The following OSBPL10 variants were observed in gnomAD, a reference collection of about 807,000 sequenced individuals.
The protein encoded by OSBPL10 is oxysterol-binding protein-related protein 10.
In OSBPL10, 49 loss-of-function variants were observed where a neutral mutation model predicts 81.7. That is an observed-to-expected ratio of 0.60 (90% CI 0.48 to 0.76). OSBPL10 has a LOEUF of 0.76. OSBPL10 is among the 30% of genes least tolerant of loss of function. The probability of loss-of-function intolerance (pLI) is 0.00; values close to 1 mark genes in which losing one functional copy is unlikely to be tolerated. For missense variants in OSBPL10, 923 were observed against 987.8 expected, an observed-to-expected ratio of 0.93 and a Z score of 0.88; for synonymous variants, 419 against 383.6, an observed-to-expected ratio of 1.09 and a Z score of -1.08.
chr3:32,007,453 C>G (rs1699214813), intron 2 of OSBPL10, among the ~76,000 whole-genome samples: 1 of 152,164 alleles, frequency 6.6e-6, no homozygotes, highest in South Asian at 2.1e-4. Context: ...GGTCCAAAAT[C>G]AAGGTGCCAG....
intron 7 of OSBPL10, among the ~76,000 whole-genome samples, chr3:31,696,744 C>T: frequency 6.6e-6 from 1 of 152,394 alleles, no homozygotes; most frequent in African/African-American, 2.4e-5. Context: ...TGTCTCTACT[C>T]ACTCTCTAGA....
At chr3:31,885,739 T>C (rs961189926) in intron 1 of OSBPL10, among the ~76,000 whole-genome samples, 1 of 151,046 alleles carries the variant, frequency 6.6e-6, no homozygotes, top group Admixed American at 6.6e-5. Context: ...TCCCAGCACT[T>C]TGGGAGTCTG....
chr3:32,039,253 G>A (rs1282303327), intron 2 of OSBPL10, among the ~76,000 whole-genome samples: 2 of 152,016 alleles, frequency 1.3e-5, no homozygotes, highest in Non-Finnish European at 2.9e-5. Context: ...TTGAACCTGG[G>A]AGGTGGAGGT....
At chr3:32,026,887 T>C (rs906024845) in intron 2 of OSBPL10, among the ~76,000 whole-genome samples, 7 of 152,120 alleles carry the variant, frequency 4.6e-5, no homozygotes, top group African/African-American at 1.7e-4. Flanking sequence ...TGCACTGGCA[T>C]CCATACAGAT....
chr3:31,860,674 T>TTTG (rs559065007), intron 3 of OSBPL10, among the ~76,000 whole-genome samples: 9 of 152,164 alleles, frequency 5.9e-5, no homozygotes, highest in African/African-American at 1.7e-4. Flanking sequence ...CTTTCTGTTT[T>TTTG]TTGTTGTTGT....
intron 1 of OSBPL10, among the ~76,000 whole-genome samples, chr3:31,890,099 C>G (rs1263307911): frequency 6.6e-6 from 1 of 151,302 alleles, no homozygotes; most frequent in African/African-American, 2.4e-5. Context: ...AAGAAGTTTT[C>G]CAAGTGATTC....
intron 5 of OSBPL10, among the ~76,000 whole-genome samples, chr3:31,743,366 A>G (rs1697417897): frequency 1.3e-5 from 2 of 152,030 alleles, no homozygotes; most frequent in Admixed American, 1.3e-4. Context: ...TTAATTACAT[A>G]CCTCTCCATA....
rs922862166 is a variant in OSBPL10 at position 31,812,177 on chromosome 3, G to A, written c.729+17863C>T. ...CTCCTGAATAGCTGGGATTACAGGCGCCTGCCACCATGCCCAGCTAATTTT... is the reference window on the plus strand; with the variant it reads ...CTCCTGAATAGCTGGGATTACAGGCACCTGCCACCATGCCCAGCTAATTTT... On this transcript the variant is annotated intron_variant, in intron 4 of 11. Transcript: ENST00000396556. Among the ~76,000 whole-genome samples the A allele has an allele frequency of 4.6e-5, 7 of 152,050 alleles. 1 individual carries two copies. The highest frequency in any genetic ancestry group is 1.4e-4 in the African/African-American group (6 of 41,386).
At chr3:31,869,333 T>G (rs2125614619) in intron 3 of OSBPL10, among the ~76,000 whole-genome samples, 1 of 152,346 alleles carries the variant, frequency 6.6e-6, no homozygotes. Flanking sequence ...CAGAATGTCA[T>G]GAATTGAAAG....
chr3:31,917,011 T>C (rs567557567), intron 1 of OSBPL10, among the ~76,000 whole-genome samples: 15 of 151,780 alleles, frequency 9.9e-5, no homozygotes, highest in South Asian at 2.1e-4. Context: ...TCCAAAAGCA[T>C]TTCTTCTAAA....
intron 4 of OSBPL10, among the ~76,000 whole-genome samples, chr3:31,806,654 G>C (rs1264365048): frequency 6.6e-6 from 1 of 152,198 alleles, no homozygotes; most frequent in Non-Finnish European, 1.5e-5. Flanking sequence ...CAGTCAGGCA[G>C]TAACAAGCGC....
At chr3:31,758,996 C>T (rs2125716685) in intron 4 of OSBPL10, among the ~76,000 whole-genome samples, 1 of 152,232 alleles carries the variant, frequency 6.6e-6, no homozygotes, top group South Asian at 2.1e-4. Flanking sequence ...TGAACCTCAT[C>T]ATTGTTTAGT....
intron 1 of OSBPL10, among the ~76,000 whole-genome samples, chr3:31,912,839 C>A (rs894772902): frequency 6.6e-6 from 1 of 152,134 alleles, no homozygotes; most frequent in African/African-American, 2.4e-5. Flanking sequence ...GCAGCAGGAT[C>A]CACTCCCATG....
At chr3:31,829,803 T>G (rs538698418) in intron 4 of OSBPL10, among the ~76,000 whole-genome samples, 1 of 152,234 alleles carries the variant, frequency 6.6e-6, no homozygotes, top group Non-Finnish European at 1.5e-5. Flanking sequence ...GTAGGCTTGC[T>G]TTCTCTGCTT....
chr3:31,672,191 C>T (rs776918871), intron 8 of OSBPL10, among the ~76,000 whole-genome samples: 6 of 151,988 alleles, frequency 3.9e-5, no homozygotes, highest in Non-Finnish European at 8.8e-5. Flanking sequence ...CCTGGGAGCT[C>T]CACATGAACT....
intron 5 of OSBPL10, among the ~76,000 whole-genome samples, chr3:31,733,966 C>T (rs1186236082): frequency 2.6e-5 from 4 of 151,516 alleles, no homozygotes; most frequent in Admixed American, 6.6e-5. Context: ...GCTGAGATTG[C>T]GCCACTGCAC....
At chr3:31,792,737 CAG>C (rs987582109) in intron 4 of OSBPL10, among the ~76,000 whole-genome samples, 7 of 110,120 alleles carry the variant, frequency 6.4e-5, no homozygotes, top group Non-Finnish European at 8.9e-5. Context: ...TATCCAGACA[CAG>C]AGTGTGTGTG....
At chr3:32,033,986 A>G (rs1462104326) in intron 2 of OSBPL10, among the ~76,000 whole-genome samples, 1 of 152,164 alleles carries the variant, frequency 6.6e-6, no homozygotes, top group Non-Finnish European at 1.5e-5. Flanking sequence ...ATTGCTAGGG[A>G]CACCTTAGGA....
At chr3:31,847,907 G>A (rs928718758) in intron 3 of OSBPL10, among the ~76,000 whole-genome samples, 3 of 152,170 alleles carry the variant, frequency 2.0e-5, no homozygotes, top group Admixed American at 1.3e-4. Flanking sequence ...GACACACAGC[G>A]GGGCTGCCTG....
Sources: gnomAD v4.1 joint callset for allele counts (sites outside exome capture counted in the v4.1 genomes callset) on GRCh38, gnomAD v4.1.1 for gene constraint, MANE v1.5 for transcripts, NCBI Gene and HGNC (gene_info 2026-07-23, HGNC 2026-07-21) for gene names.